Variants in FREM2 observed in about 807,000 individuals in gnomAD.
FREM2 encodes the protein FRAS1-related extracellular matrix protein 2.
In FREM2, 119 loss-of-function variants were observed where a neutral mutation model predicts 219.9. The ratio of observed to expected loss-of-function variants is 0.54; its 90% CI spans 0.47 to 0.63. The LOEUF (loss-of-function observed/expected upper bound fraction) is 0.63. Among genes scored for constraint, FREM2 ranks in the 30% least tolerant of loss-of-function variants. FREM2 has a pLI of 0.00. For synonymous variants in FREM2, 1,562 were observed against 1,522.8 expected, an observed-to-expected ratio of 1.03 and a Z score of -0.60; for missense variants, 4,030 against 3,993.6, an observed-to-expected ratio of 1.01 and a Z score of -0.25.
chr13:38,746,941 T>C (rs2137788203), intron 2 of FREM2, among the ~76,000 whole-genome samples: 1 of 152,184 alleles, frequency 6.6e-6, no homozygotes, highest in African/African-American at 2.4e-5. Flanking sequence ...CAGTGCAGAG[T>C]TCCAAACACC....
At chr13:38,786,714 A>T (rs942357464) in intron 6 of FREM2, among the ~76,000 whole-genome samples, 1 of 152,178 alleles carries the variant, frequency 6.6e-6, no homozygotes, top group African/African-American at 2.4e-5. Context: ...ATGGATTGCT[A>T]TGGGATGCAC....
At chr13:38,879,067 T>C in intron 23 of FREM2, 90 bp downstream of exon 23, 1 of 1,144,100 alleles carries the variant, frequency 8.7e-7, no homozygotes, top group Non-Finnish European at 1.3e-6. Flanking sequence ...CATATGTAAA[T>C]AGCAGTAATA....
chr13:38,859,631 T>C lies in FREM2; in HGVS notation c.7519+41T>C, dbSNP rs1348679288. ...TTTCCCCTGAAGATCACTGGAATAC[T>C]GTGCAATATTACAAATGTCTACTTT... On this transcript the variant is annotated intron_variant, in intron 14 of 23. Coordinates refer to ENST00000280481, the MANE Select transcript of FREM2 (RefSeq NM_207361.6). 5.2e-6 allele frequency: 8 copies of C among 1,545,562 alleles called. No individual in the cohort carries two copies. In the South Asian group the frequency reaches 9.0e-5, roughly 17 times the overall value.
intron 6 of FREM2, among the ~76,000 whole-genome samples, chr13:38,801,114 T>C (rs1384742726): frequency 1.3e-5 from 2 of 152,364 alleles, no homozygotes; most frequent in East Asian, 1.9e-4. Context: ...TTCCACTTGA[T>C]CTACTCTATT....
chr13:38,878,304 T>A lies in FREM2; in HGVS notation c.8842T>A (p.Tyr2948Asn). The stretch of plus-strand genomic sequence containing the variant: ...CTTAGCCGACTCTCCTTCACTCTTA[T>A]ATAGATTTAAAATTGTGGTAAGTGC... Reference protein sequence around the residue: ...GCLADSPSLLYRFKIVDKAQP... With the variant: ...GCLADSPSLLNRFKIVDKAQP... The change falls in exon 22 of 24, where the codon TAT becomes AAT. Residue 2948 changes from tyrosine (Y) to asparagine (N), a missense_variant. By Grantham distance (143) the Tyr-to-Asn change is moderately radical. Coordinates refer to ENST00000280481, the MANE Select transcript of FREM2 (RefSeq NM_207361.6). The A allele has an allele frequency of 6.2e-7, 1 of 1,613,318 alleles. No individual in the cohort carries two copies.
intron 2 of FREM2, among the ~76,000 whole-genome samples, chr13:38,747,516 ACACAC>A (rs1329683922): frequency 6.6e-6 from 1 of 151,970 alleles, no homozygotes; most frequent in African/African-American, 2.4e-5. Flanking sequence ...ACACACACAC[ACACAC>A]ATTTATGTGT....
At chr13:38,853,316 T>TG (rs1877443975) in intron 11 of FREM2, among the ~76,000 whole-genome samples, 2 of 121,862 alleles carry the variant, frequency 1.6e-5, no homozygotes, top group Admixed American at 1.7e-4. Context: ...AAACTCCGTC[T>TG]GAAAAAAAAA....
At chr13:38,767,335 A>G (rs1873476181) in intron 3 of FREM2, among the ~76,000 whole-genome samples, 1 of 152,210 alleles carries the variant, frequency 6.6e-6, no homozygotes. Flanking sequence ...TTTAGCAGCA[A>G]CAATTGGGAT....
rs116833191 is a variant in FREM2 at position 38,850,068 on chromosome 13, A to T, written c.6410A>T (p.Tyr2137Phe). The T allele has an allele frequency of 6.2e-7, 1 of 1,614,004 alleles. No homozygotes were observed. The highest frequency in any genetic ancestry group is 2.2e-5 in the East Asian group (1 of 44,860). The change falls in exon 9 of 24, where the codon TAT becomes TTT. Residue 2137 changes from tyrosine (Y) to phenylalanine (F), a missense_variant. Coordinates refer to ENST00000280481, the MANE Select transcript of FREM2 (RefSeq NM_207361.6). ...AAGATGCAATTCAAAGAACGAATAT[A>T]TACTGGCAGCGAAAGTGATGGGCAG... Reference protein sequence around the residue: ...LPKMQFKERIYTGSESDGQIV... With the variant: ...LPKMQFKERIFTGSESDGQIV...
intron 2 of FREM2, among the ~76,000 whole-genome samples, chr13:38,716,598 A>G (rs563551563): frequency 2.6e-5 from 4 of 152,014 alleles, no homozygotes; most frequent in Non-Finnish European, 5.9e-5. Context: ...CTGAGATCAT[A>G]CAAGTCTCAA....
At chr13:38,737,848 G>A (rs1306757476) in intron 2 of FREM2, among the ~76,000 whole-genome samples, 1 of 152,222 alleles carries the variant, frequency 6.6e-6, no homozygotes, top group Non-Finnish European at 1.5e-5. Context: ...TCAATATGGA[G>A]TTAGTTAAGG....
intron 4 of FREM2, among the ~76,000 whole-genome samples, chr13:38,775,743 C>CTAGT (rs1873845903): frequency 6.6e-6 from 1 of 152,186 alleles, no homozygotes; most frequent in African/African-American, 2.4e-5. Context: ...CTCAGCCTCC[C>CTAGT]AAATAGCTGG....
intron 6 of FREM2, among the ~76,000 whole-genome samples, chr13:38,846,006 G>A (rs1421589767): frequency 1.3e-5 from 2 of 152,116 alleles, no homozygotes; most frequent in Non-Finnish European, 2.9e-5. Context: ...CAGGCAACCT[G>A]CAGTCAGGCC....
chr13:38,778,831 T>C (rs917661224), intron 4 of FREM2, among the ~76,000 whole-genome samples: 5 of 152,158 alleles, frequency 3.3e-5, no homozygotes, highest in East Asian at 1.9e-4. Flanking sequence ...TCAAACTTTC[T>C]GTAATATTTC....
In FREM2 at chr13:38,883,037, G is replaced by C. The variant is rs1355404136; in HGVS notation, c.*2250G>C. ...TAATGAAGCTACTTTATATAAATTG[G>C]AGAGCTTATAAAATGCAGAACATTT... On this transcript the variant is annotated 3_prime_UTR_variant, in exon 24 of 24. Coordinates refer to ENST00000280481, the MANE Select transcript of FREM2 (RefSeq NM_207361.6). 6.6e-6 allele frequency: 1 copy of C among 151,988 alleles called. No individual in the cohort carries two copies. Among genetic ancestry groups the C allele is most frequent in the Non-Finnish European group, 1.5e-5 (1 of 67,976 alleles). The allele number at this position is 151,988 out of a possible 1,614,324, so 9.4% of individuals were successfully genotyped here.
intron 8 of FREM2, 48 bp from the exon 9 acceptor site, chr13:38,849,990 A>T: frequency 6.6e-7 from 1 of 1,513,662 alleles, no homozygotes; most frequent in Non-Finnish European, 9.2e-7. Flanking sequence ...CTGAAATGCC[A>T]TTTTCCACAA....
intron 2 of FREM2, among the ~76,000 whole-genome samples, chr13:38,720,712 G>A (rs551832868): frequency 8.5e-5 from 13 of 152,216 alleles, no homozygotes; most frequent in African/African-American, 2.9e-4. Context: ...TTGCAAGTAC[G>A]TTAAGAGGCA....
intron 21 of FREM2, 87 bp from the exon 22 acceptor site, chr13:38,878,047 T>C (rs895468240): frequency 2.7e-6 from 3 of 1,110,398 alleles, no homozygotes; most frequent in Non-Finnish European, 4.1e-6. Context: ...ATAATCTCTG[T>C]GTCCTCATTG....
At chr13:38,813,490 C>G (rs1229986843) in intron 6 of FREM2, among the ~76,000 whole-genome samples, 14 of 14,204 alleles carry the variant, frequency 9.9e-4, no homozygotes, top group African/African-American at 3.1e-3. Context: ...CTCTCTCTCT[C>G]TCTCTCTCTC....
Sources: gnomAD v4.1 joint callset for allele counts (sites outside exome capture counted in the v4.1 genomes callset) on GRCh38, gnomAD v4.1.1 for gene constraint, MANE v1.5 for transcripts, NCBI Gene and HGNC (gene_info 2026-07-23, HGNC 2026-07-21) for gene names.